The following HUNK variants were observed in gnomAD, a reference collection of about 807,000 sequenced individuals.
The protein encoded by HUNK is hormonally up-regulated Neu-associated kinase, also known as hormonally up-regulated neu tumor-associated kinase.
HUNK carries 21 observed loss-of-function variants against 61.0 expected under a neutral mutation model. The ratio of observed to expected loss-of-function variants is 0.34; its 90% CI spans 0.24 to 0.50. The LOEUF (loss-of-function observed/expected upper bound fraction) is 0.50, where lower values mean the gene tolerates loss of function less well. HUNK is among the 20% of genes least tolerant of loss of function. HUNK has a pLI of 0.98. For synonymous variants in HUNK, 371 were observed against 386.1 expected (o/e 0.96, Z 0.46); for missense variants, 772 against 945.7 (o/e 0.82, Z 2.41).
chr21:31,901,407 G>C (rs2052466948), intron 1 of HUNK, among the ~76,000 whole-genome samples: 1 of 152,112 alleles, frequency 6.6e-6, no homozygotes, highest in South Asian at 2.1e-4. Flanking sequence ...CTCCCGGTTT[G>C]TACACCTGGC....
intron 6 of HUNK, among the ~76,000 whole-genome samples, chr21:31,972,785 A>G (rs2053020744): frequency 6.6e-6 from 1 of 152,152 alleles, no homozygotes; most frequent in South Asian, 2.1e-4. Flanking sequence ...GGCTGATCTC[A>G]TTGTTTGTTG....
chr21:31,975,418 G>C (rs2053041829), intron 7 of HUNK, among the ~76,000 whole-genome samples: 1 of 152,182 alleles, frequency 6.6e-6, no homozygotes, highest in South Asian at 2.1e-4. Context: ...AAAGAATTCT[G>C]CAAATTGGAT....
chr21:31,927,600 C>T (rs181820792), intron 2 of HUNK, among the ~76,000 whole-genome samples: 15 of 151,956 alleles, frequency 9.9e-5, no homozygotes, highest in East Asian at 2.0e-4. Context: ...GCCGAGATCA[C>T]GCCACTGCAC....
At chr21:31,993,310 C>T (rs547114573) in intron 9 of HUNK, among the ~76,000 whole-genome samples, 398 of 152,216 alleles carry the variant, frequency 2.6e-3, no homozygotes, top group African/African-American at 9.2e-3. Context: ...GATTGTTAAG[C>T]TTTTGAGAAC....
intron 5 of HUNK, among the ~76,000 whole-genome samples, chr21:31,962,411 G>A (rs2052935418): frequency 6.6e-6 from 1 of 152,198 alleles, no homozygotes; most frequent in South Asian, 2.1e-4. Context: ...TGGGCTCTAA[G>A]TGTTTTTTGT....
chr21:31,947,413 GCGTCACTGC>G (rs1318698909), intron 4 of HUNK, among the ~76,000 whole-genome samples: 3 of 152,246 alleles, frequency 2.0e-5, no homozygotes, highest in African/African-American at 7.2e-5. Context: ...CAAGCCAATG[GCGTCACTGC>G]CGAGATCATT....
intron 7 of HUNK, among the ~76,000 whole-genome samples, chr21:31,979,604 C>A (rs1482608292): frequency 6.8e-6 from 1 of 146,142 alleles, no homozygotes; most frequent in African/African-American, 2.6e-5. Context: ...CAAGCTCCGC[C>A]TCCTGGGTTC....
At chr21:31,940,091 C>A in intron 2 of HUNK, 74 bp from the exon 3 acceptor site, 1 of 1,230,212 alleles carries the variant, frequency 8.1e-7, no homozygotes, top group Non-Finnish European at 1.2e-6. Flanking sequence ...CAGTTCATTT[C>A]CCTTCAGAAG....
At chr21:31,903,773 C>T (rs2052486218) in intron 1 of HUNK, among the ~76,000 whole-genome samples, 1 of 152,206 alleles carries the variant, frequency 6.6e-6, no homozygotes, top group Non-Finnish European at 1.5e-5. Context: ...TGTGCTATTT[C>T]TGCATGTTCA....
At chr21:31,933,590 G>T (rs943689070) in intron 2 of HUNK, among the ~76,000 whole-genome samples, 1 of 152,048 alleles carries the variant, frequency 6.6e-6, no homozygotes, top group Non-Finnish European at 1.5e-5. Flanking sequence ...TTCGACACCA[G>T]CCTGACCAAC....
At chr21:31,983,152 G>A (rs77732698) in intron 7 of HUNK, among the ~76,000 whole-genome samples, 2 of 152,328 alleles carry the variant, frequency 1.3e-5, no homozygotes, top group Non-Finnish European at 2.9e-5. Context: ...GTTCTATGCA[G>A]TGGTTCAATA....
chr21:31,961,237 T>C (rs9975197), intron 5 of HUNK, among the ~76,000 whole-genome samples: 1,987 of 152,288 alleles, frequency 0.013, 21 homozygotes, highest in African/African-American at 0.025. Context: ...AGCTGTTTTT[T>C]TTTTATTGGT....
At position 32,002,235 on chromosome 21, in the gene HUNK, G is replaced by C. The variant is rs966676283; in HGVS notation, c.*3051G>C. ...CCCAAGTAGCTGGGACTACAGTTGT[G>C]CACCACAATGCCTAGCTAATTTTTT... On this transcript the variant is annotated 3_prime_UTR_variant, in exon 11 of 11. Transcript: ENST00000270112. 2 of 152,178 alleles carry C rather than the reference G, an allele frequency of 1.3e-5. No individual in the cohort carries two copies. The highest frequency in any genetic ancestry group is 4.8e-5 in the African/African-American group (2 of 41,414). 9.4% of individuals were successfully genotyped at this position (152,178 alleles called of 1,614,324 possible). A position where few individuals can be genotyped will look rare whatever the true frequency, so the allele number is the denominator to read the frequency against.
chr21:31,917,616 TTTGACAGAAAGTTGTTTTTC>T lies in HUNK; in HGVS notation c.262-6848_262-6829del, dbSNP rs1379170530. The stretch of plus-strand genomic sequence containing the variant: ...TTGATGAGTCTCGGTTTTACTGATC[TTTGACAGAAAGTTGTTTTTC>T]TTGTGCTCATGATGACATCCAGGCT... On this transcript the variant is annotated intron_variant, in intron 1 of 10. Transcript: ENST00000270112. Among the ~76,000 whole-genome samples the T allele has an allele frequency of 3.3e-5, 5 of 151,886 alleles. No homozygotes were observed. The East Asian group carries it at 9.7e-4, about 29-fold the overall frequency.
intron 1 of HUNK, among the ~76,000 whole-genome samples, chr21:31,893,561 TGG>T (rs1028368346): frequency 1.6e-4 from 24 of 152,162 alleles, no homozygotes; most frequent in Non-Finnish European, 3.1e-4. Context: ...CTTGTATTTC[TGG>T]GATTGATGAC....
chr21:31,924,511 C>A lies in HUNK; in HGVS notation c.305C>A (p.Thr102Asn), dbSNP rs2052646245. 2 of 1,614,090 alleles carry A rather than the reference C, an allele frequency of 1.2e-6. No individual in the cohort carries two copies. Among genetic ancestry groups the A allele is most frequent in the Non-Finnish European group, 1.7e-6 (2 of 1,180,002 alleles). Residue 102 changes from threonine (T) to asparagine (N), a missense_variant, in exon 2 of 11, where the codon ACC (threonine) becomes AAC (asparagine). Physicochemically the swap from Thr to Asn is moderately conservative, Grantham distance 65. This residue lies in a region of HUNK where 359 missense variants were observed against 501.3 expected (regional missense o/e 0.72). Transcript: ENST00000270112. The surrounding 1 kb of genome is among the most constrained non-coding windows in gnomAD (Gnocchi z 5.1). ...VIDKKRAKKD[T>N]YVTKNLRREG... is the part of the protein sequence containing the mutation. Reference sequence around the variant, plus strand: ...GATAAGAAGAGAGCCAAAAAGGACACCTATGTCACCAAAAACCTGCGGCGA... The same window carrying A: ...GATAAGAAGAGAGCCAAAAAGGACAACTATGTCACCAAAAACCTGCGGCGA...
intron 9 of HUNK, among the ~76,000 whole-genome samples, chr21:31,990,655 C>G (rs1350157151): frequency 6.6e-6 from 1 of 151,946 alleles, no homozygotes; most frequent in Non-Finnish European, 1.5e-5. Context: ...CCGGCCTCAG[C>G]CTCCCGAGTA....
At chr21:31,914,606 T>C (rs2052569484) in intron 1 of HUNK, among the ~76,000 whole-genome samples, 1 of 152,070 alleles carries the variant, frequency 6.6e-6, no homozygotes, top group African/African-American at 2.4e-5. Context: ...CAGAAATTCA[T>C]GTTTCACAGT....
intron 1 of HUNK, among the ~76,000 whole-genome samples, chr21:31,902,910 T>G (rs1244099821): frequency 6.6e-6 from 1 of 152,206 alleles, no homozygotes; most frequent in East Asian, 1.9e-4. Context: ...ATCTTTTCTT[T>G]ATGTAATGAT....
Sources: gnomAD v4.1 joint callset for allele counts (sites outside exome capture counted in the v4.1 genomes callset) on GRCh38, gnomAD v4.1.1 for gene constraint, gnomAD v4.1.1 regional missense constraint, Gnocchi (gnomAD v3.1) non-coding constraint, MANE v1.5 for transcripts, NCBI Gene and HGNC (gene_info 2026-07-23, HGNC 2026-07-21) for gene names.